Variants in SHISA9 observed in about 807,000 individuals in gnomAD.
SHISA9 encodes protein shisa-9.
SHISA9 carries 13 observed loss-of-function variants against 38.0 expected under a neutral mutation model. The observed-to-expected ratio is 0.34, with a 90% CI of 0.22 to 0.54. SHISA9 has a LOEUF of 0.54. SHISA9 is among the 20% of genes least tolerant of loss of function. The pLI, the probability that SHISA9 is intolerant of heterozygous loss-of-function variation, is 0.91. For missense variants in SHISA9, 538 were observed against 575.8 expected, an observed-to-expected ratio of 0.93 and a Z score of 0.67; for synonymous variants, 275 against 242.0, an observed-to-expected ratio of 1.14 and a Z score of -1.27.
chr16:13,066,954 T>G (rs2073441796), intron 2 of SHISA9, among the ~76,000 whole-genome samples: 1 of 152,148 alleles, frequency 6.6e-6, no homozygotes, highest in Admixed American at 6.5e-5. Context: ...AACACTGGTT[T>G]TGGGGAAAGT....
chr16:13,492,235 C>G, the SHISA9 span, among the ~76,000 whole-genome samples: 1 of 152,024 alleles, frequency 6.6e-6, no homozygotes, highest in Non-Finnish European at 1.5e-5. Context: ...ATTCTGTGGG[C>G]GAGCACTGGG....
chr16:12,967,123 C>T (rs1315087053), intron 2 of SHISA9, among the ~76,000 whole-genome samples: 9 of 152,228 alleles, frequency 5.9e-5, no homozygotes, highest in African/African-American at 1.4e-4. Context: ...TGTTTATTGC[C>T]GCACTATTCA....
chr16:12,980,322 T>G (rs1162931352), intron 2 of SHISA9, among the ~76,000 whole-genome samples: 1 of 152,206 alleles, frequency 6.6e-6, no homozygotes, highest in Non-Finnish European at 1.5e-5. Context: ...TCTGAAAATA[T>G]TTTTATTGTA....
chr16:12,969,536 G>A (rs1182169636), intron 2 of SHISA9, among the ~76,000 whole-genome samples: 1 of 152,052 alleles, frequency 6.6e-6, no homozygotes, highest in Non-Finnish European at 1.5e-5. Flanking sequence ...CTGAGGCCAG[G>A]AGTTCGAGAC....
At chr16:13,098,075 G>T (rs2073844566) in intron 2 of SHISA9, among the ~76,000 whole-genome samples, 1 of 152,208 alleles carries the variant, frequency 6.6e-6, no homozygotes, top group Admixed American at 6.5e-5. Flanking sequence ...CCATTTCGCA[G>T]AAGAAACGGA....
intron 2 of SHISA9, among the ~76,000 whole-genome samples, chr16:13,046,576 C>A: frequency 6.6e-6 from 1 of 152,192 alleles, no homozygotes; most frequent in East Asian, 1.9e-4. Flanking sequence ...GCAGGCAGGG[C>A]AAGTTTCATA....
At chr16:13,481,093 GC>G in the SHISA9 span, among the ~76,000 whole-genome samples, 1 of 152,170 alleles carries the variant, frequency 6.6e-6, no homozygotes, top group East Asian at 1.9e-4. Context: ...CAGAGTTGGG[GC>G]TGACCAACCG....
intron 2 of SHISA9, among the ~76,000 whole-genome samples, chr16:12,919,981 C>T (rs2071306694): frequency 6.6e-6 from 1 of 152,210 alleles, no homozygotes; most frequent in African/African-American, 2.4e-5. Context: ...CTACCTCCTG[C>T]ACCCCGACTT....
intron 2 of SHISA9, among the ~76,000 whole-genome samples, chr16:12,935,533 T>C (rs1185753846): frequency 2.0e-5 from 3 of 152,030 alleles, no homozygotes; most frequent in Admixed American, 2.0e-4. Context: ...AGCTCATTCA[T>C]GGGGAAGGAA....
At chr16:13,528,553 T>G in the SHISA9 span, among the ~76,000 whole-genome samples, 1 of 152,180 alleles carries the variant, frequency 6.6e-6, no homozygotes, top group East Asian at 1.9e-4. Context: ...TTTCCTCATA[T>G]GAATCCCAAA....
the SHISA9 span, among the ~76,000 whole-genome samples, chr16:13,298,035 C>T: frequency 6.0e-3 from 911 of 152,254 alleles, 7 homozygotes; most frequent in African/African-American, 0.021. Context: ...GGATTACAGG[C>T]TTGAGCTACT....
At chr16:13,058,366 C>T (rs1452798014) in intron 2 of SHISA9, among the ~76,000 whole-genome samples, 1 of 152,164 alleles carries the variant, frequency 6.6e-6, no homozygotes, top group Non-Finnish European at 1.5e-5. Context: ...TCTGTGCCCT[C>T]TTATTACTCA....
chr16:13,327,179 A>G, the SHISA9 span, among the ~76,000 whole-genome samples: 1 of 152,162 alleles, frequency 6.6e-6, no homozygotes, highest in Non-Finnish European at 1.5e-5. Context: ...CCAGAGTCCT[A>G]CCAGCCTTTC....
the SHISA9 span, among the ~76,000 whole-genome samples, chr16:13,368,212 A>G: frequency 6.6e-6 from 1 of 152,142 alleles, no homozygotes; most frequent in Non-Finnish European, 1.5e-5. Flanking sequence ...AATTGTAGGG[A>G]TGATTTTGTA....
intron 2 of SHISA9, among the ~76,000 whole-genome samples, chr16:13,044,504 T>G (rs941967444): frequency 1.8e-4 from 28 of 152,178 alleles, no homozygotes; most frequent in African/African-American, 5.3e-4. Context: ...TGGACATAGA[T>G]CTTACAGATT....
At chr16:13,411,124 C>T in the SHISA9 span, among the ~76,000 whole-genome samples, 1 of 152,166 alleles carries the variant, frequency 6.6e-6, no homozygotes, top group Non-Finnish European at 1.5e-5. Context: ...CCCTGATTCA[C>T]TGGATGATTT....
the SHISA9 span, among the ~76,000 whole-genome samples, chr16:13,452,574 T>A: frequency 1.3e-3 from 198 of 152,278 alleles, 3 homozygotes; most frequent in Non-Finnish European, 1.2e-3. Flanking sequence ...ACAGATCGGA[T>A]GGGTGTTAGT....
At chr16:13,331,466 C>A in the SHISA9 span, 2 of 151,600 alleles carry the variant, frequency 1.3e-5, no homozygotes, top group African/African-American at 4.8e-5. Flanking sequence ...TTTAAATATA[C>A]CAAACATGAT....
chr16:13,191,897 T>C (rs1288508371), intron 2 of SHISA9, among the ~76,000 whole-genome samples: 1 of 152,222 alleles, frequency 6.6e-6, no homozygotes, highest in African/African-American at 2.4e-5. Context: ...AGTACTTGTA[T>C]GTTCATCGCA....
Sources: gnomAD v4.1 joint callset for allele counts (sites outside exome capture counted in the v4.1 genomes callset) on GRCh38, gnomAD v4.1.1 for gene constraint, MANE v1.5 for transcripts, NCBI Gene and HGNC (gene_info 2026-07-23, HGNC 2026-07-21) for gene names.